SETBP1: variants seen among roughly 807,000 people sequenced by gnomAD.
SETBP1 encodes the protein SET-binding protein.
In SETBP1, 9 loss-of-function variants were observed where a neutral mutation model predicts 101.0. The observed-to-expected ratio is 0.09, with a 90% confidence interval of 0.05 to 0.16. The LOEUF (loss-of-function observed/expected upper bound fraction) is 0.16. Ranked by LOEUF, SETBP1 falls within the 10% of genes least tolerant of loss-of-function variation. SETBP1 has a pLI of 1.00. For synonymous variants in SETBP1, 818 were observed against 788.5 expected (o/e 1.04, Z -0.63); for missense variants, 1,858 against 2,033.8 (o/e 0.91, Z 1.66).
chr18:44,800,881 C>T (rs996356499), intron 2 of SETBP1, among the ~76,000 whole-genome samples: 1 of 152,130 alleles, frequency 6.6e-6, no homozygotes, highest in Non-Finnish European at 1.5e-5. Flanking sequence ...GGAACCAACC[C>T]AAATGTCCAT....
chr18:44,714,634 G>A (rs565019516), intron 2 of SETBP1, among the ~76,000 whole-genome samples: 4 of 151,728 alleles, frequency 2.6e-5, no homozygotes, highest in Non-Finnish European at 4.4e-5. Flanking sequence ...GCGCATGCAC[G>A]TGTGAGCGCT....
intron 2 of SETBP1, among the ~76,000 whole-genome samples, chr18:44,808,088 G>T (rs1453646343): frequency 6.6e-6 from 1 of 152,190 alleles, no homozygotes; most frequent in African/African-American, 2.4e-5. Flanking sequence ...CACTCTGGAG[G>T]CTCCTGTCGT....
chr18:44,859,150 A>G (rs921624977), intron 2 of SETBP1, among the ~76,000 whole-genome samples: 4 of 152,244 alleles, frequency 2.6e-5, no homozygotes, highest in Admixed American at 6.5e-5. Flanking sequence ...AACAATGTTC[A>G]TAGCAGTGTA....
chr18:44,692,835 A>T (rs992360072), intron 1 of SETBP1, among the ~76,000 whole-genome samples: 1 of 152,234 alleles, frequency 6.6e-6, no homozygotes, highest in South Asian at 2.1e-4. Flanking sequence ...TCAGGGAATC[A>T]TATACAGTAA....
At chr18:44,877,940 C>T (rs1189241358) in intron 3 of SETBP1, among the ~76,000 whole-genome samples, 1 of 152,148 alleles carries the variant, frequency 6.6e-6, no homozygotes, top group Non-Finnish European at 1.5e-5. Flanking sequence ...GACATTCTGA[C>T]CATCTGAGGG....
intron 3 of SETBP1, among the ~76,000 whole-genome samples, chr18:44,879,150 A>G (rs1331249168): frequency 6.6e-6 from 1 of 152,226 alleles, no homozygotes; most frequent in African/African-American, 2.4e-5. Flanking sequence ...TTACAGCTAT[A>G]AATAGTAAAA....
intron 4 of SETBP1, among the ~76,000 whole-genome samples, chr18:44,966,684 T>C (rs188738351): frequency 6.6e-6 from 1 of 152,346 alleles, no homozygotes; most frequent in East Asian, 1.9e-4. Flanking sequence ...CATCATTTCC[T>C]GACTTATGCT....
At chr18:44,756,326 T>C (rs950287910) in intron 2 of SETBP1, among the ~76,000 whole-genome samples, 1 of 152,212 alleles carries the variant, frequency 6.6e-6, no homozygotes, top group Non-Finnish European at 1.5e-5. Context: ...ATGTGAGAAG[T>C]GCTATGCGGT....
At chr18:44,954,329 TAA>T (rs5824565) in intron 4 of SETBP1, among the ~76,000 whole-genome samples, 2,028 of 71,620 alleles carry the variant, frequency 0.028, 13 homozygotes, top group Non-Finnish European at 0.04. Context: ...TTGCAGAAGC[TAA>T]AAAAAAAAAA....
chr18:44,831,201 T>A (rs2072357385), intron 2 of SETBP1, among the ~76,000 whole-genome samples: 1 of 152,232 alleles, frequency 6.6e-6, no homozygotes, highest in Admixed American at 6.5e-5. Context: ...TGTGGAGTAG[T>A]GTAGCATAGA....
intron 4 of SETBP1, among the ~76,000 whole-genome samples, chr18:45,017,580 A>G (rs1471416041): frequency 6.6e-6 from 1 of 152,238 alleles, no homozygotes; most frequent in Non-Finnish European, 1.5e-5. Flanking sequence ...GACAGAGACA[A>G]AGAGGTGGCT....
At chr18:44,889,262 CAGG>C (rs2069715159) in intron 3 of SETBP1, among the ~76,000 whole-genome samples, 2 of 152,046 alleles carry the variant, frequency 1.3e-5, no homozygotes, top group South Asian at 2.1e-4. Context: ...CTTGCCAAAC[CAGG>C]AGAAGAATCA....
intron 3 of SETBP1, among the ~76,000 whole-genome samples, chr18:44,938,847 G>C (rs2071020355): frequency 6.6e-6 from 1 of 152,144 alleles, no homozygotes; most frequent in East Asian, 1.9e-4. Flanking sequence ...CTGCACAGAG[G>C]GGAGAGTGAG....
chr18:44,909,509 G>A (rs2070253158), intron 3 of SETBP1, among the ~76,000 whole-genome samples: 1 of 152,168 alleles, frequency 6.6e-6, no homozygotes, highest in African/African-American at 2.4e-5. Flanking sequence ...AACTTAGGAG[G>A]GAGTATCGTA....
Position 45,063,584 on chromosome 18 carries a change from C to G in SETBP1, c.4677C>G (p.Ala1559=), listed in dbSNP as rs1330232739. 6.4e-7 allele frequency: 1 copy of G among 1,572,880 alleles called. No homozygotes were observed. Among genetic ancestry groups the G allele is most frequent in the East Asian group, 2.3e-5 (1 of 43,108 alleles). Reference sequence around the variant, plus strand: ...GAAAGAGGAAACACAAACCGCAGGCCCCCGCTCAGCCCCCACAGCAGTCGC... The same window carrying G: ...GAAAGAGGAAACACAAACCGCAGGCGCCCGCTCAGCCCCCACAGCAGTCGC... ...RGGKRKHKPQ[A]PAQPPQQSPP... The change falls in exon 6 of 6, where the codon GCC becomes GCG. Residue 1559 remains alanine (A), a synonymous_variant. Coordinates refer to ENST00000649279, the MANE Select transcript of SETBP1 (RefSeq NM_015559.3).
Position 44,836,322 on chromosome 18 carries a change from AGTTAG to A in SETBP1, c.487-32904_487-32900del, listed in dbSNP as rs560703092. 3.6e-4 allele frequency among the ~76,000 whole-genome samples: 55 copies of A among 152,198 alleles called. No homozygotes were observed. In the South Asian group the frequency reaches 0.011, roughly 30 times the overall value. ...TATTAGAGTCTCATGCCTTTTCCCT[AGTTAG>A]GTTCTGTCTAGCATACCTCTGGTTC... On this transcript the variant is annotated intron_variant, in intron 2 of 5. Transcript: ENST00000649279.
intron 4 of SETBP1, among the ~76,000 whole-genome samples, chr18:45,008,751 C>T (rs1370944935): frequency 6.6e-6 from 1 of 152,150 alleles, no homozygotes; most frequent in East Asian, 1.9e-4. Context: ...TGTGACTGCC[C>T]TATAAGCTAA....
At chr18:44,835,877 C>A (rs1318440476) in intron 2 of SETBP1, among the ~76,000 whole-genome samples, 1 of 152,222 alleles carries the variant, frequency 6.6e-6, no homozygotes, top group Non-Finnish European at 1.5e-5. Flanking sequence ...AGGGCAAAAA[C>A]TCCTAGAGTA....
At chr18:44,713,065 TCTC>T (rs1193488641) in intron 2 of SETBP1, among the ~76,000 whole-genome samples, 1 of 149,924 alleles carries the variant, frequency 6.7e-6, no homozygotes, top group Non-Finnish European at 1.5e-5. Context: ...TTCAGGCCAT[TCTC>T]CTGCCTCAGC....
Sources: gnomAD v4.1 joint callset for allele counts (sites outside exome capture counted in the v4.1 genomes callset) on GRCh38, gnomAD v4.1.1 for gene constraint, MANE v1.5 for transcripts, NCBI Gene and HGNC (gene_info 2026-07-23, HGNC 2026-07-21) for gene names.